MYO5A: variants seen among roughly 807,000 people sequenced by gnomAD.
The protein encoded by MYO5A is unconventional myosin-Va.
In MYO5A, 98 loss-of-function variants were observed where a neutral mutation model predicts 249.7. The ratio of observed to expected loss-of-function variants is 0.39; its 90% CI spans 0.33 to 0.46. The LOEUF is 0.46. MYO5A is among the 20% of genes least tolerant of loss of function. The probability of loss-of-function intolerance (pLI) is 0.98; values close to 1 mark genes in which losing one functional copy is unlikely to be tolerated. For synonymous variants in MYO5A, 778 were observed against 810.6 expected (o/e 0.96, Z 0.68); for missense variants, 1,696 against 2,308.8 (o/e 0.73, Z 5.44).
intron 1 of MYO5A, among the ~76,000 whole-genome samples, chr15:52,490,040 T>C (rs531938023): frequency 1.3e-5 from 2 of 152,278 alleles, no homozygotes; most frequent in Admixed American, 6.5e-5. Context: ...CCTATTAGAA[T>C]ACCTACTATC....
intron 5 of MYO5A, among the ~76,000 whole-genome samples, chr15:52,410,901 C>A (rs1367145873): frequency 6.6e-6 from 1 of 152,152 alleles, no homozygotes; most frequent in East Asian, 1.9e-4. Flanking sequence ...AAGAACAGAA[C>A]CACTTTTGCC....
chr15:52,392,120 G>C (rs775295673), intron 11 of MYO5A, 50 bp from the exon 12 acceptor site: 2 of 1,553,520 alleles, frequency 1.3e-6, no homozygotes, highest in Non-Finnish European at 1.8e-6. Context: ...TTGTAACAAA[G>C]AATGTAGTCA....
At chr15:52,443,747 G>A (rs535798011) in intron 1 of MYO5A, among the ~76,000 whole-genome samples, 5 of 151,422 alleles carry the variant, frequency 3.3e-5, no homozygotes, top group South Asian at 4.2e-4. Context: ...TTGGGAGGCC[G>A]AGGCGGGTGG....
intron 34 of MYO5A, chr15:52,331,905 T>C (rs994019177): frequency 5.4e-5 from 53 of 973,790 alleles, no homozygotes; most frequent in Admixed American, 1.8e-4. Flanking sequence ...TAGTTTTTCA[T>C]ATGCATGATC....
intron 30 of MYO5A, among the ~76,000 whole-genome samples, chr15:52,345,843 T>G (rs1286177259): frequency 2.6e-5 from 4 of 152,144 alleles, no homozygotes; most frequent in African/African-American, 9.7e-5. Flanking sequence ...AGGAGGGTGG[T>G]AGTAAGGCCA....
chr15:52,487,555 C>A (rs1477930213), intron 1 of MYO5A, among the ~76,000 whole-genome samples: 1 of 151,926 alleles, frequency 6.6e-6, no homozygotes, highest in East Asian at 1.9e-4. Context: ...GAAACCCCGT[C>A]TCTGCTAAAA....
At chr15:52,331,730 C>A in intron 34 of MYO5A, 5 of 985,376 alleles carry the variant, frequency 5.1e-6, no homozygotes, top group Non-Finnish European at 6.0e-6. Flanking sequence ...TGGCATGGAG[C>A]CTGGTGACAC....
intron 4 of MYO5A, 85 bp from the exon 5 acceptor site, chr15:52,416,386 T>C (rs1419406900): frequency 2.1e-6 from 3 of 1,433,606 alleles, no homozygotes; most frequent in East Asian, 2.4e-5. Context: ...TCTATGGAAG[T>C]AGGGGGCTAA....
chr15:52,473,047 G>C (rs11858378), intron 1 of MYO5A, among the ~76,000 whole-genome samples: 1 of 151,976 alleles, frequency 6.6e-6, no homozygotes, highest in Admixed American at 6.6e-5. Flanking sequence ...CATTCTCTCC[G>C]GCACCTGTTG....
intron 1 of MYO5A, among the ~76,000 whole-genome samples, chr15:52,484,467 C>G (rs1595769717): frequency 6.6e-6 from 1 of 152,172 alleles, no homozygotes; most frequent in African/African-American, 2.4e-5. Context: ...ATGAAATCAA[C>G]ACTAACTTTA....
At chr15:52,488,910 T>C (rs781175255) in intron 1 of MYO5A, among the ~76,000 whole-genome samples, 2 of 152,222 alleles carry the variant, frequency 1.3e-5, no homozygotes, top group South Asian at 2.1e-4. Context: ...TGGGGAAAGA[T>C]GAGATAAATC....
In MYO5A at chr15:52,446,153, T is replaced by A. The variant is rs1045646213; in HGVS notation, c.28-12868A>T. Among the ~76,000 whole-genome samples the A allele has an allele frequency of 1.2e-4, 19 of 152,184 alleles. 1 individual carries two copies. The highest frequency in any genetic ancestry group is 1.2e-4 in the Non-Finnish European group (8 of 68,034). On this transcript the variant is annotated intron_variant, in intron 1 of 41. Coordinates refer to ENST00000399233, the MANE Select transcript of MYO5A (RefSeq NM_001382347.1). ...TTTCGGAGACCTTCCCAGCAGCCCCTCCCACCACAGGCCCAGAGGCCTAGG... is the reference window on the plus strand; with the variant it reads ...TTTCGGAGACCTTCCCAGCAGCCCCACCCACCACAGGCCCAGAGGCCTAGG...
At chr15:52,402,658 A>G (rs1160265637) in intron 9 of MYO5A, among the ~76,000 whole-genome samples, 1 of 152,190 alleles carries the variant, frequency 6.6e-6, no homozygotes, top group Non-Finnish European at 1.5e-5. Context: ...CAGCCTGGCC[A>G]ACATGGTGAA....
intron 9 of MYO5A, among the ~76,000 whole-genome samples, chr15:52,404,246 G>A (rs536562122): frequency 3.1e-4 from 42 of 135,398 alleles, no homozygotes; most frequent in East Asian, 1.1e-3. Context: ...CAGCCTGGGC[G>A]ACAAGAGTGA....
intron 1 of MYO5A, among the ~76,000 whole-genome samples, chr15:52,495,944 C>G (rs1457738798): frequency 6.6e-6 from 1 of 151,482 alleles, no homozygotes; most frequent in Non-Finnish European, 1.5e-5. Context: ...GGGTGGGAGG[C>G]AGGGGGAGGG....
At chr15:52,472,741 C>A (rs942423709) in intron 1 of MYO5A, among the ~76,000 whole-genome samples, 2 of 152,094 alleles carry the variant, frequency 1.3e-5, no homozygotes, top group Admixed American at 6.6e-5. Context: ...TTTATGGCTA[C>A]GTAGTATTCC....
intron 1 of MYO5A, among the ~76,000 whole-genome samples, chr15:52,521,819 A>G (rs144303806): frequency 6.6e-6 from 1 of 152,228 alleles, no homozygotes; most frequent in South Asian, 2.1e-4. Flanking sequence ...TGCAAAGTTT[A>G]GGTTGTATCA....
At chr15:52,419,033 T>C (rs2043660124) in intron 4 of MYO5A, among the ~76,000 whole-genome samples, 1 of 152,242 alleles carries the variant, frequency 6.6e-6, no homozygotes, top group Non-Finnish European at 1.5e-5. Flanking sequence ...CAATTACATC[T>C]ACGTCATCAA....
chr15:52,353,214 C>T (rs2040040808), intron 27 of MYO5A, among the ~76,000 whole-genome samples: 1 of 152,200 alleles, frequency 6.6e-6, no homozygotes, highest in Non-Finnish European at 1.5e-5. Context: ...TGAATCCAGG[C>T]TTCATTCACA....
Sources: allele counts gnomAD v4.1 joint callset (sites outside exome capture counted in the v4.1 genomes callset), GRCh38; gene constraint gnomAD v4.1.1; transcripts MANE v1.5; gene names NCBI Gene and HGNC (gene_info 2026-07-23, HGNC 2026-07-21).